DLGAP1: variants seen among roughly 807,000 people sequenced by gnomAD.
The protein encoded by DLGAP1 is DLG associated protein 1, also known as disks large-associated protein 1.
A neutral mutation model predicts 90.8 loss-of-function variants in DLGAP1; 11 were observed. The ratio of observed to expected loss-of-function variants is 0.12; its 90% CI spans 0.08 to 0.20. The LOEUF (loss-of-function observed/expected upper bound fraction) is 0.20. Ranked by LOEUF, DLGAP1 falls within the 10% of genes least tolerant of loss-of-function variation. DLGAP1 has a pLI of 1.00. For missense variants in DLGAP1, 1,050 were observed against 1,333.8 expected (o/e 0.79, Z 3.31); for synonymous variants, 558 against 540.7 (o/e 1.03, Z -0.44).
chr18:4,076,510 A>T (rs981279943), intron 2 of DLGAP1, among the ~76,000 whole-genome samples: 1 of 152,218 alleles, frequency 6.6e-6, no homozygotes, highest in African/African-American at 2.4e-5. Flanking sequence ...AGCATTTAGG[A>T]TCATTACTAA....
intron 9 of DLGAP1, among the ~76,000 whole-genome samples, chr18:3,561,454 A>G (rs1459963937): frequency 6.7e-6 from 1 of 149,316 alleles, no homozygotes; most frequent in Non-Finnish European, 1.5e-5. Context: ...AAAAAAAAAA[A>G]AAAAACAGAA....
chr18:3,845,212 C>T lies in DLGAP1; in HGVS notation c.958-30939G>A, dbSNP rs892826164. On this transcript the variant is annotated intron_variant, in intron 4 of 12. Transcript: ENST00000315677. Reference sequence around the variant, plus strand: ...ACGATTTATTTTCCTTTCCATAGCCCAGAATTGCTATTAGCTTACCTTATT... The same window carrying T: ...ACGATTTATTTTCCTTTCCATAGCCTAGAATTGCTATTAGCTTACCTTATT... The T allele has an allele frequency of 5.0e-6, 8 of 1,611,078 alleles. No homozygotes were observed. The East Asian group carries it at 1.8e-4, about 36-fold the overall frequency.
chr18:3,566,191 A>T (rs1455077697), intron 9 of DLGAP1, among the ~76,000 whole-genome samples: 1 of 152,010 alleles, frequency 6.6e-6, no homozygotes, highest in Non-Finnish European at 1.5e-5. Context: ...TTTACCTTTC[A>T]TTGAGTAATT....
intron 7 of DLGAP1, among the ~76,000 whole-genome samples, chr18:3,715,131 G>C (rs2061721841): frequency 6.6e-6 from 1 of 152,202 alleles, no homozygotes; most frequent in Non-Finnish European, 1.5e-5. Context: ...TCTCATTCCT[G>C]CCACATTCCC....
At chr18:3,916,661 T>C (rs751158241) in intron 3 of DLGAP1, among the ~76,000 whole-genome samples, 1 of 152,184 alleles carries the variant, frequency 6.6e-6, no homozygotes, top group African/African-American at 2.4e-5. Flanking sequence ...TCTAAGAACA[T>C]GCACAATGTA....
At chr18:4,010,746 GCTA>G (rs1291498831) in intron 2 of DLGAP1, among the ~76,000 whole-genome samples, 1 of 152,018 alleles carries the variant, frequency 6.6e-6, no homozygotes, top group Non-Finnish European at 1.5e-5. Flanking sequence ...AGGTGGGGAT[GCTA>G]CTACTTCAAG....
At chr18:4,192,501 C>T (rs1057373194) in intron 1 of DLGAP1, among the ~76,000 whole-genome samples, 1 of 152,174 alleles carries the variant, frequency 6.6e-6, no homozygotes, top group Non-Finnish European at 1.5e-5. Flanking sequence ...CCTGTAACCC[C>T]AACTAACTTG....
chr18:4,083,979 A>G (rs1021697865), intron 2 of DLGAP1, among the ~76,000 whole-genome samples: 2 of 152,132 alleles, frequency 1.3e-5, no homozygotes, highest in African/African-American at 4.8e-5. Flanking sequence ...AAATCGGATC[A>G]CACGGGGGCT....
chr18:3,644,407 T>TTATTTATG (rs1177019345), intron 7 of DLGAP1, among the ~76,000 whole-genome samples: 7 of 151,874 alleles, frequency 4.6e-5, no homozygotes, highest in African/African-American at 1.7e-4. Context: ...TTTATTTTAT[T>TTATTTATG]TATTTATTTA....
At chr18:3,560,890 G>T (rs933123435) in intron 9 of DLGAP1, among the ~76,000 whole-genome samples, 9 of 150,582 alleles carry the variant, frequency 6.0e-5, no homozygotes, top group Admixed American at 3.3e-4. Flanking sequence ...TTACCCTAGA[G>T]TTTGCATTAT....
intron 3 of DLGAP1, chr18:3,977,921 G>A: frequency 2.8e-6 from 1 of 357,302 alleles, no homozygotes; most frequent in South Asian, 2.2e-5. Context: ...CAACACGTTG[G>A]TGGTGGAGAC....
intron 3 of DLGAP1, among the ~76,000 whole-genome samples, chr18:3,956,538 T>C (rs1467959988): frequency 6.6e-6 from 1 of 152,100 alleles, no homozygotes; most frequent in Non-Finnish European, 1.5e-5. Flanking sequence ...TTAGTAGAGA[T>C]GGGTTTTCGC....
At chr18:3,552,311 C>CTGAGT (rs1201322344) in intron 9 of DLGAP1, among the ~76,000 whole-genome samples, 2 of 152,142 alleles carry the variant, frequency 1.3e-5, no homozygotes, top group Non-Finnish European at 2.9e-5. Context: ...TCTTATCTCC[C>CTGAGT]TGAGTTTGCT....
At chr18:3,555,364 T>C (rs1024648314) in intron 9 of DLGAP1, among the ~76,000 whole-genome samples, 2 of 152,312 alleles carry the variant, frequency 1.3e-5, no homozygotes, top group Admixed American at 6.5e-5. Context: ...TTAAATATTT[T>C]ACTCAGTTTA....
intron 5 of DLGAP1, among the ~76,000 whole-genome samples, chr18:3,805,141 C>G (rs1250384160): frequency 6.6e-6 from 1 of 152,232 alleles, no homozygotes; most frequent in Admixed American, 6.5e-5. Context: ...TGTGGAGCAA[C>G]TACTGTGTGC....
intron 1 of DLGAP1, among the ~76,000 whole-genome samples, chr18:4,167,785 A>G (rs1294961868): frequency 6.6e-6 from 1 of 152,204 alleles, no homozygotes; most frequent in Non-Finnish European, 1.5e-5. Context: ...GATCAATCAT[A>G]TTTCTACATA....
Position 4,006,064 on chromosome 18 carries a change from G to A in DLGAP1, c.-158-863C>T, listed in dbSNP as rs371118398. Among the ~76,000 whole-genome samples, 16 of 152,282 alleles carry A rather than the reference G, an allele frequency of 1.1e-4. No individual in the cohort carries two copies. In the East Asian group the frequency reaches 2.3e-3, roughly 22 times the overall value. ...CACTCAGTCCATTTCACTAGACCAT[G>A]ACAACACTGAGGCCAAGAAATGCTA... On this transcript the variant is annotated intron_variant, in intron 2 of 12. Transcript: ENST00000315677.
chr18:4,283,081 G>C (rs2079593251), intron 1 of DLGAP1, among the ~76,000 whole-genome samples: 1 of 152,252 alleles, frequency 6.6e-6, no homozygotes, highest in Non-Finnish European at 1.5e-5. Flanking sequence ...CTCAATATTA[G>C]TCTACTGTGT....
chr18:3,610,464 TC>T (rs886628170), intron 7 of DLGAP1, among the ~76,000 whole-genome samples: 1 of 152,042 alleles, frequency 6.6e-6, no homozygotes, highest in Non-Finnish European at 1.5e-5. Flanking sequence ...GCCCTCACCT[TC>T]CCTCTCCCCT....
Sources: allele counts gnomAD v4.1 joint callset (sites outside exome capture counted in the v4.1 genomes callset), GRCh38; gene constraint gnomAD v4.1.1; transcripts MANE v1.5; gene names NCBI Gene and HGNC (gene_info 2026-07-23, HGNC 2026-07-21).